Variants in ELP4 observed in about 807,000 individuals in gnomAD.
ELP4 encodes elongator complex protein 4.
A neutral mutation model predicts 48.9 loss-of-function variants in ELP4; 51 were observed. That is an observed-to-expected ratio of 1.04 (90% confidence interval 0.83 to 1.32). ELP4 has a LOEUF of 1.32. Ranked by LOEUF, ELP4 falls within the 40% of genes most tolerant of loss-of-function variation. ELP4 has a pLI of 0.00. For synonymous variants in ELP4, 210 were observed against 189.2 expected, an observed-to-expected ratio of 1.11 and a Z score of -0.90; for missense variants, 519 against 514.6, an observed-to-expected ratio of 1.01 and a Z score of -0.08.
chr11:31,631,672 G>A (rs1056543919), intron 6 of ELP4, among the ~76,000 whole-genome samples: 1 of 152,076 alleles, frequency 6.6e-6, no homozygotes, highest in Non-Finnish European at 1.5e-5. Flanking sequence ...TACGAAGAGT[G>A]TTGAACTTAA....
At chr11:31,535,331 T>A (rs1245123323) in intron 2 of ELP4, among the ~76,000 whole-genome samples, 1 of 152,096 alleles carries the variant, frequency 6.6e-6, no homozygotes, top group Non-Finnish European at 1.5e-5. Flanking sequence ...AATGCACCCA[T>A]TTGTTTATTT....
chr11:31,728,142 A>T (rs1478496274), intron 9 of ELP4, among the ~76,000 whole-genome samples: 2 of 152,180 alleles, frequency 1.3e-5, no homozygotes, highest in Non-Finnish European at 2.9e-5. Flanking sequence ...TTTGCTTTAT[A>T]TCATTAATAA....
intron 9 of ELP4, among the ~76,000 whole-genome samples, chr11:31,686,081 CCTT>C (rs1461846292): frequency 6.6e-6 from 1 of 152,004 alleles, no homozygotes; most frequent in Non-Finnish European, 1.5e-5. Context: ...CCTTTTCTAA[CCTT>C]CTTGTAGGCT....
intron 9 of ELP4, among the ~76,000 whole-genome samples, chr11:31,717,883 G>C (rs1366705493): frequency 6.6e-6 from 1 of 152,008 alleles, no homozygotes; most frequent in Admixed American, 6.6e-5. Flanking sequence ...TAGTGCTTCT[G>C]TTTATGGACC....
At chr11:31,749,631 TTAAAC>T (rs1449228468) in intron 9 of ELP4, among the ~76,000 whole-genome samples, 2 of 152,192 alleles carry the variant, frequency 1.3e-5, no homozygotes, top group Non-Finnish European at 2.9e-5. Context: ...TTCCTTGTAT[TTAAAC>T]TAAGTCTCTG....
intron 5 of ELP4, among the ~76,000 whole-genome samples, chr11:31,622,140 T>C (rs1448709600): frequency 6.6e-6 from 1 of 151,996 alleles, no homozygotes; most frequent in South Asian, 2.1e-4. Context: ...GGTAGTCTTA[T>C]TGAAAATCAA....
intron 9 of ELP4, among the ~76,000 whole-genome samples, chr11:31,698,372 AC>A (rs1287198144): frequency 1.3e-5 from 2 of 152,174 alleles, no homozygotes; most frequent in African/African-American, 4.8e-5. Context: ...CAAAGTATAT[AC>A]ATTTCCTATG....
intron 9 of ELP4, among the ~76,000 whole-genome samples, chr11:31,717,095 A>G (rs1262492776): frequency 6.6e-6 from 1 of 152,156 alleles, no homozygotes. Flanking sequence ...AAAAAAATGA[A>G]TGAGATGGCC....
chr11:31,735,844 G>C (rs566438762), intron 9 of ELP4, among the ~76,000 whole-genome samples: 4 of 152,220 alleles, frequency 2.6e-5, no homozygotes, highest in African/African-American at 9.6e-5. Flanking sequence ...ACAAATGGAA[G>C]AACATTCCAT....
chr11:31,627,554 C>T (rs944774895), intron 6 of ELP4, among the ~76,000 whole-genome samples: 1 of 151,950 alleles, frequency 6.6e-6, no homozygotes, highest in East Asian at 1.9e-4. Context: ...GACATTCAGG[C>T]CTTATTTCAA....
At chr11:31,723,246 G>A (rs545532720) in intron 9 of ELP4, among the ~76,000 whole-genome samples, 13 of 152,108 alleles carry the variant, frequency 8.5e-5, no homozygotes, top group Non-Finnish European at 1.8e-4. Context: ...AATCCTGTGA[G>A]GGCTGAAGCC....
At chr11:31,709,151 G>A (rs1358129128) in intron 9 of ELP4, among the ~76,000 whole-genome samples, 1 of 152,066 alleles carries the variant, frequency 6.6e-6, no homozygotes, top group East Asian at 1.9e-4. Context: ...AAGAATATAA[G>A]TTCAAAATGG....
At chr11:31,626,431 C>A (rs376617877) in intron 5 of ELP4, among the ~76,000 whole-genome samples, 2 of 151,878 alleles carry the variant, frequency 1.3e-5, no homozygotes, top group East Asian at 3.9e-4. Context: ...TAATGTAAAG[C>A]AGATTTTCCT....
chr11:31,694,223 A>T (rs546430944), intron 9 of ELP4, among the ~76,000 whole-genome samples: 2 of 152,202 alleles, frequency 1.3e-5, no homozygotes, highest in African/African-American at 4.8e-5. Flanking sequence ...TGTTTTAGAC[A>T]TGAAGTCCTT....
intron 9 of ELP4, among the ~76,000 whole-genome samples, chr11:31,684,444 T>A (rs1451901173): frequency 6.6e-6 from 1 of 152,100 alleles, no homozygotes; most frequent in African/African-American, 2.4e-5. Flanking sequence ...TGACCTCAAG[T>A]GATGCACTTA....
At chr11:31,550,587 T>G (rs1448456947) in intron 3 of ELP4, among the ~76,000 whole-genome samples, 1 of 152,124 alleles carries the variant, frequency 6.6e-6, no homozygotes, top group Non-Finnish European at 1.5e-5. Flanking sequence ...CATTTACAGA[T>G]TTTGTATTAA....
At chr11:31,598,369 C>T (rs1957715483) in intron 4 of ELP4, among the ~76,000 whole-genome samples, 1 of 151,876 alleles carries the variant, frequency 6.6e-6, no homozygotes, top group South Asian at 2.1e-4. Context: ...TATCCTTGCC[C>T]CAGTGAGTAG....
Position 31,509,802 on chromosome 11 carries a change from C to T in ELP4, c.18C>T (p.Thr6=), listed in dbSNP as rs545077142. 16 of 1,614,144 alleles carry T rather than the reference C, an allele frequency of 9.9e-6. No individual in the cohort carries two copies. The highest frequency in any genetic ancestry group is 1.7e-5 in the Admixed American group (1 of 60,034). MAAVA[T]CGSVAASTGS... is the part of the protein sequence containing the mutation. ...GCTCTAAGATGGCGGCAGTGGCAAC[C>T]TGCGGTAGTGTTGCCGCGAGTACTG... Residue 6 remains threonine, a synonymous_variant, in exon 1 of 10, where the codon ACC becomes ACT. Transcript: ENST00000640961.
chr11:31,774,723 T>C (rs1592300939), intron 9 of ELP4, among the ~76,000 whole-genome samples: 2 of 152,324 alleles, frequency 1.3e-5, no homozygotes, highest in Non-Finnish European at 2.9e-5. Flanking sequence ...CCTCACTGCC[T>C]ATCTTCAAGC....
Sources: allele counts gnomAD v4.1 joint callset (sites outside exome capture counted in the v4.1 genomes callset), GRCh38; gene constraint gnomAD v4.1.1; transcripts MANE v1.5; gene names NCBI Gene and HGNC (gene_info 2026-07-23, HGNC 2026-07-21).